Variants in ITPR1 observed in about 807,000 individuals in gnomAD.
ITPR1 encodes inositol 1,4,5-trisphosphate-gated calcium channel ITPR1.
In ITPR1, 96 loss-of-function variants were observed where a neutral mutation model predicts 318.4. The ratio of observed to expected loss-of-function variants is 0.30; its 90% confidence interval spans 0.26 to 0.36. ITPR1 has a LOEUF of 0.36. Ranked by LOEUF, ITPR1 falls within the 10% of genes least tolerant of loss-of-function variation. The pLI, the probability that ITPR1 is intolerant of heterozygous loss-of-function variation, is 1.00. For missense variants in ITPR1, 2,440 were observed against 3,460.2 expected (o/e 0.71, Z 7.40); for synonymous variants, 1,312 against 1,289.9 (o/e 1.02, Z -0.37).
chr3:4,665,135 CAG>C lies in ITPR1; in HGVS notation c.1555-1_1555del, dbSNP rs772951280. 1 of 1,613,998 alleles carries C rather than the reference CAG, an allele frequency of 6.2e-7. No individual in the cohort carries two copies. Among genetic ancestry groups the C allele is most frequent in the South Asian group, 1.1e-5 (1 of 91,090 alleles). On this transcript the variant is annotated splice_acceptor_variant, in intron 16 of 61. Coordinates refer to ENST00000649015, the MANE Select transcript of ITPR1 (RefSeq NM_001378452.1). LOFTEE classifies it high-confidence loss of function. ...CATTTTTGCTTTTCATTTTCACAAACAGATCTTCAAGTTGTTACAAGCCCCAT... is the reference window on the plus strand; with the variant it reads ...CATTTTTGCTTTTCATTTTCACAAACATCTTCAAGTTGTTACAAGCCCCAT...
intron 4 of ITPR1, among the ~76,000 whole-genome samples, chr3:4,543,671 G>T (rs1039382921): frequency 5.9e-5 from 9 of 152,116 alleles, no homozygotes; most frequent in Non-Finnish European, 1.3e-4. Context: ...TTGAACTCCT[G>T]ATCTCAAGTG....
chr3:4,518,258 C>G (rs2082303758), intron 3 of ITPR1, among the ~76,000 whole-genome samples: 1 of 152,186 alleles, frequency 6.6e-6, no homozygotes, highest in African/African-American at 2.4e-5. Flanking sequence ...ATTTCCCAGT[C>G]ACCCAGGTGC....
At chr3:4,519,849 G>A (rs1410275432) in intron 3 of ITPR1, among the ~76,000 whole-genome samples, 1 of 152,146 alleles carries the variant, frequency 6.6e-6, no homozygotes, top group Non-Finnish European at 1.5e-5. Context: ...TGGTAGCCTG[G>A]TGCCCCTTTG....
intron 4 of ITPR1, among the ~76,000 whole-genome samples, chr3:4,532,138 T>A (rs2083465941): frequency 6.6e-6 from 1 of 152,172 alleles, no homozygotes; most frequent in Non-Finnish European, 1.5e-5. Flanking sequence ...TTCCCCCCTA[T>A]TGCATTAACT....
At chr3:4,609,661 T>G (rs2091958168) in intron 4 of ITPR1, among the ~76,000 whole-genome samples, 1 of 150,854 alleles carries the variant, frequency 6.6e-6, no homozygotes, top group African/African-American at 2.4e-5. Flanking sequence ...ATGGAGAACA[T>G]GGAGGGATGG....
At chr3:4,752,184 G>A (rs150582922) in intron 44 of ITPR1, among the ~76,000 whole-genome samples, 9 of 152,318 alleles carry the variant, frequency 5.9e-5, no homozygotes, top group African/African-American at 2.2e-4. Flanking sequence ...ATGTGTTGCA[G>A]TTGCCCTCAC....
At chr3:4,530,859 C>G (rs1456101204) in intron 4 of ITPR1, among the ~76,000 whole-genome samples, 1 of 152,158 alleles carries the variant, frequency 6.6e-6, no homozygotes, top group Non-Finnish European at 1.5e-5. Context: ...TGGTCTCATT[C>G]TCTGAGAGTG....
rs2041844905 is a variant in ITPR1, at chr3:4,717,350, C to A, written c.5104-17C>A. 1 of 1,584,794 alleles carries A rather than the reference C, an allele frequency of 6.3e-7. No individual in the cohort carries two copies. The highest frequency in any genetic ancestry group is 8.6e-7 in the Non-Finnish European group (1 of 1,166,658). The stretch of plus-strand genomic sequence containing the variant: ...CTAACATTTCCTTCTCTCTCTCTCC[C>A]CTTTTTTCTTTTCCAGCTAATTTCC... On this transcript the variant is annotated splice_polypyrimidine_tract_variant and intron_variant, in intron 39 of 61. Transcript: ENST00000649015.
At chr3:4,691,077 C>A in intron 31 of ITPR1, 67 bp from the exon 32 acceptor site, 1 of 1,081,258 alleles carries the variant, frequency 9.2e-7, no homozygotes, top group Non-Finnish European at 1.3e-6. Context: ...TTCTTTTTCT[C>A]ACTTTTTAAT....
intron 4 of ITPR1, among the ~76,000 whole-genome samples, chr3:4,579,509 A>G (rs1043738428): frequency 6.6e-6 from 1 of 152,212 alleles, no homozygotes; most frequent in Non-Finnish European, 1.5e-5. Context: ...TTAATTTTCT[A>G]CCTGCAGGTT....
chr3:4,608,185 T>C (rs922273241), intron 4 of ITPR1, among the ~76,000 whole-genome samples: 1 of 152,198 alleles, frequency 6.6e-6, no homozygotes, highest in African/African-American at 2.4e-5. Context: ...AAAGCAGTTT[T>C]ACCCTGGCAA....
chr3:4,516,120 G>C (rs928853492), intron 2 of ITPR1, among the ~76,000 whole-genome samples: 1 of 152,150 alleles, frequency 6.6e-6, no homozygotes, highest in African/African-American at 2.4e-5. Context: ...AGACTTTCCA[G>C]GTAACTCCCT....
At chr3:4,669,854 A>G (rs1324765077) in intron 19 of ITPR1, 81 bp downstream of exon 19, 4 of 1,322,090 alleles carry the variant, frequency 3.0e-6, no homozygotes, top group East Asian at 5.6e-5. Context: ...ACCTAGCCCT[A>G]TCATTTTTTG....
intron 12 of ITPR1, 147 bp downstream of exon 12, chr3:4,654,033 G>T: frequency 1.7e-6 from 1 of 605,934 alleles, no homozygotes; most frequent in Non-Finnish European, 2.9e-6. Flanking sequence ...CATGTTCTGT[G>T]CTTCCCTTGA....
At chr3:4,635,079 T>G (rs1263850441) in intron 5 of ITPR1, among the ~76,000 whole-genome samples, 2 of 152,156 alleles carry the variant, frequency 1.3e-5, no homozygotes, top group Admixed American at 6.5e-5. Context: ...GGTTACTTCC[T>G]TGTTTGGCAG....
chr3:4,824,300 TCTCA>T (rs371409613), intron 60 of ITPR1, among the ~76,000 whole-genome samples: 119 of 152,302 alleles, frequency 7.8e-4, no homozygotes, highest in African/African-American at 2.8e-3. Context: ...ATGTGCATGA[TCTCA>T]CTCAATCCTC....
At chr3:4,615,591 GT>G (rs2092357003) in intron 4 of ITPR1, among the ~76,000 whole-genome samples, 1 of 152,020 alleles carries the variant, frequency 6.6e-6, no homozygotes, top group Admixed American at 6.6e-5. Flanking sequence ...GGTCAGGCTG[GT>G]CTCGAACTCC....
intron 44 of ITPR1, among the ~76,000 whole-genome samples, chr3:4,753,734 G>A (rs187123298): frequency 4.3e-4 from 65 of 152,116 alleles, no homozygotes; most frequent in Non-Finnish European, 7.8e-4. Context: ...TATTTTTTTC[G>A]GCTTCTATGG....
intron 4 of ITPR1, among the ~76,000 whole-genome samples, chr3:4,581,506 T>C (rs2089336801): frequency 6.6e-6 from 1 of 152,206 alleles, no homozygotes; most frequent in Non-Finnish European, 1.5e-5. Context: ...ATGGTAGTGG[T>C]AATCTATATT....
Sources: allele counts gnomAD v4.1 joint callset (sites outside exome capture counted in the v4.1 genomes callset), GRCh38; gene constraint gnomAD v4.1.1; transcripts MANE v1.5; gene names NCBI Gene and HGNC (gene_info 2026-07-23, HGNC 2026-07-21).